The following KCNMA1 variants were observed in gnomAD, a reference collection of about 807,000 sequenced individuals.
KCNMA1 encodes the protein potassium calcium-activated channel subfamily M alpha 1, also known as Calcium-activated potassium channel subunit alpha-1.
In KCNMA1, 29 loss-of-function variants were observed where a neutral mutation model predicts 140.0. That is an observed-to-expected ratio of 0.21 (90% CI 0.15 to 0.28). The LOEUF (loss-of-function observed/expected upper bound fraction) is 0.28. KCNMA1 is among the 10% of genes least tolerant of loss of function. KCNMA1 has a pLI of 1.00. For synonymous variants in KCNMA1, 612 were observed against 611.9 expected (o/e 1.00, Z 0.00); for missense variants, 880 against 1,602.2 (o/e 0.55, Z 7.70).
At chr10:76,890,203 C>T (rs956592238) in intron 26 of KCNMA1, among the ~76,000 whole-genome samples, 1 of 152,172 alleles carries the variant, frequency 6.6e-6, no homozygotes. Context: ...TTCACAGCCA[C>T]CTTCCCGGGG....
intron 1 of KCNMA1, among the ~76,000 whole-genome samples, chr10:77,426,623 G>A (rs1412497922): frequency 6.6e-6 from 1 of 152,216 alleles, no homozygotes; most frequent in African/African-American, 2.4e-5. Flanking sequence ...TTGCGGAGCA[G>A]AGCTAGTCTC....
At chr10:77,522,925 T>C (rs2053988778) in intron 1 of KCNMA1, among the ~76,000 whole-genome samples, 2 of 152,232 alleles carry the variant, frequency 1.3e-5, no homozygotes, top group Admixed American at 6.5e-5. Flanking sequence ...ACAAGTCTCC[T>C]TTCCATTTTT....
intron 2 of KCNMA1, among the ~76,000 whole-genome samples, chr10:77,332,485 A>T (rs114386534): frequency 0.025 from 3,865 of 152,132 alleles, 154 homozygotes; most frequent in African/African-American, 0.088. Context: ...ATCATTGATG[A>T]TCTGTTGTCC....
At chr10:77,529,743 G>A (rs2057082139) in intron 1 of KCNMA1, among the ~76,000 whole-genome samples, 2 of 152,064 alleles carry the variant, frequency 1.3e-5, no homozygotes, top group Admixed American at 6.6e-5. Context: ...AAAAGAATGA[G>A]GACACCCCAA....
At chr10:77,544,380 T>C (rs575467925) in intron 1 of KCNMA1, among the ~76,000 whole-genome samples, 3 of 152,336 alleles carry the variant, frequency 2.0e-5, no homozygotes, top group Admixed American at 2.0e-4. Context: ...GCACGGCATC[T>C]AGCCCAGGAA....
At position 76,877,888 on chromosome 10, in the gene KCNMA1, T is replaced by C. The variant is rs200757039; in HGVS notation, c.3430A>G (p.Lys1144Glu). The C allele has an allele frequency of 5.0e-6, 8 of 1,609,404 alleles. No homozygotes were observed. Among genetic ancestry groups the C allele is most frequent in the Non-Finnish European group, 5.9e-6 (7 of 1,177,822 alleles). The change falls in exon 30 of 30, where the codon AAG (lysine) becomes GAG (glutamate). Residue 1144 changes from lysine (K) to glutamate (E), a missense_variant and splice_region_variant. Transcript: ENST00000372403. ...TCCGGTTCATCTGTAAACCATTTCTTTTCTGCTAAAGGGCAAAATGGATAG... is the reference window on the plus strand; with the variant it reads ...TCCGGTTCATCTGTAAACCATTTCTCTTCTGCTAAAGGGCAAAATGGATAG...
At chr10:77,587,437 G>A (rs1667088439) in intron 1 of KCNMA1, among the ~76,000 whole-genome samples, 1 of 152,084 alleles carries the variant, frequency 6.6e-6, no homozygotes, top group Non-Finnish European at 1.5e-5. Flanking sequence ...ATTCTTAAGT[G>A]TCCAAACAAA....
intron 1 of KCNMA1, among the ~76,000 whole-genome samples, chr10:77,405,124 C>T (rs2096428733): frequency 6.6e-6 from 1 of 152,188 alleles, no homozygotes; most frequent in African/African-American, 2.4e-5. Flanking sequence ...TAAACCTTTG[C>T]ATACAGTGAG....
intron 1 of KCNMA1, among the ~76,000 whole-genome samples, chr10:77,545,685 C>T (rs78740294): frequency 0.1 from 15,249 of 152,252 alleles, 992 homozygotes; most frequent in Middle Eastern, 0.15. Context: ...CCAGGAGCCC[C>T]GATTTCAGGG....
chr10:77,072,719 G>T (rs1404948867), intron 14 of KCNMA1, among the ~76,000 whole-genome samples: 1 of 152,110 alleles, frequency 6.6e-6, no homozygotes, highest in Non-Finnish European at 1.5e-5. Context: ...CACAGTGAGA[G>T]GTCCACCAGC....
rs2060542755 is a variant in KCNMA1, at chr10:77,255,558, C to T, written c.541-4302G>A. 2.0e-5 allele frequency among the ~76,000 whole-genome samples: 3 copies of T among 151,958 alleles called. No homozygotes were observed. The South Asian group carries it at 6.2e-4, about 32-fold the overall frequency. On this transcript the variant is annotated intron_variant, in intron 2 of 27. Transcript: ENST00000286628. ...GAGGTTGCAGTGAGCCAAGAGTATG[C>T]CACTACACTCCAGCCTGGACAACGA... is the stretch of plus-strand genomic sequence containing the variant.
intron 14 of KCNMA1, among the ~76,000 whole-genome samples, chr10:77,049,372 G>A (rs1416387215): frequency 2.0e-5 from 3 of 152,240 alleles, no homozygotes; most frequent in African/African-American, 7.2e-5. Flanking sequence ...TGGGCTGAAT[G>A]AGATGATCAG....
intron 23 of KCNMA1, among the ~76,000 whole-genome samples, chr10:76,920,010 GTGTGTGTGTGTATA>G (rs1422171843): frequency 7.3e-5 from 4 of 54,802 alleles, no homozygotes; most frequent in African/African-American, 4.2e-4. Context: ...GTGTGTGTGT[GTGTGTGTGTGTATA>G]TATATATATA....
Position 77,104,740 on chromosome 10 carries a change from C to T in KCNMA1, c.1223+3741G>A, listed in dbSNP as rs949988594. On this transcript the variant is annotated intron_variant, in intron 9 of 27. Coordinates refer to ENST00000286628, the MANE Select transcript of KCNMA1 (RefSeq NM_001161352.2). ...CCCTTGGCCATGTGACCTTGGACCA[C>T]GATCTTGTCAGTTCTCATAAACTAA... Among the ~76,000 whole-genome samples the T allele has an allele frequency of 3.3e-5, 5 of 152,208 alleles. No individual in the cohort carries two copies. The South Asian group carries it at 6.2e-4, about 19-fold the overall frequency.
intron 14 of KCNMA1, among the ~76,000 whole-genome samples, chr10:77,041,958 A>G (rs2094730791): frequency 1.3e-5 from 2 of 152,358 alleles, no homozygotes; most frequent in African/African-American, 4.8e-5. Flanking sequence ...ACACTCCAGC[A>G]TACAAAAGCC....
Position 77,027,776 on chromosome 10 carries a change from C to T in KCNMA1, c.1928+47G>A, listed in dbSNP as rs765726448. 6.7e-6 allele frequency: 10 copies of T among 1,493,980 alleles called. No homozygotes were observed. The South Asian group carries it at 1.0e-4, about 15-fold the overall frequency. 92.5% of individuals were successfully genotyped at this position (1,493,980 alleles called of 1,614,324 possible). On this transcript the variant is annotated intron_variant, in intron 16 of 27. Transcript: ENST00000286628. ...GAACCGACCGTTCTCAGAACGCACT[C>T]TCACCATCAAAAGTGTCAGCTGGCT...
intron 2 of KCNMA1, among the ~76,000 whole-genome samples, chr10:77,278,163 C>A (rs777634481): frequency 1.3e-5 from 2 of 152,114 alleles, no homozygotes; most frequent in Non-Finnish European, 2.9e-5. Flanking sequence ...TTTTCTCAGA[C>A]CCTACTATGA....
chr10:77,357,717 T>C (rs1350551999), intron 2 of KCNMA1, among the ~76,000 whole-genome samples: 3 of 152,212 alleles, frequency 2.0e-5, no homozygotes, highest in African/African-American at 7.2e-5. Flanking sequence ...ACATACAAAT[T>C]GATGTTTTAT....
In KCNMA1 at chr10:77,637,409, C is replaced by A; in HGVS notation, c.234G>T (p.Pro78=). The A allele has an allele frequency of 6.2e-7, 1 of 1,613,808 alleles. No homozygotes were observed. Among genetic ancestry groups the A allele is most frequent in the Non-Finnish European group, 8.5e-7 (1 of 1,179,928 alleles). The change falls in exon 1 of 28, where the codon CCG becomes CCT. Residue 78 remains proline (P), a synonymous_variant. Transcript: ENST00000286628. The part of the protein sequence containing the change: ...ALIIPVTMEV[P]CDSRGQRMWW... The stretch of plus-strand genomic sequence containing the variant: ...ACATGCGTTGGCCCCGGCTGTCGCA[C>A]GGCACCTCCATGGTCACCGGGATGA...
Sources: allele counts gnomAD v4.1 joint callset (sites outside exome capture counted in the v4.1 genomes callset), GRCh38; gene constraint gnomAD v4.1.1; transcripts MANE v1.5; gene names NCBI Gene and HGNC (gene_info 2026-07-23, HGNC 2026-07-21).